The following PTPRT variants were observed in gnomAD, a reference collection of about 807,000 sequenced individuals.
The protein encoded by PTPRT is protein tyrosine phosphatase receptor type T.
In PTPRT, 56 loss-of-function variants were observed where a neutral mutation model predicts 176.8. The ratio of observed to expected loss-of-function variants is 0.32; its 90% confidence interval spans 0.26 to 0.40. The LOEUF is 0.40. Among genes scored for constraint, PTPRT ranks in the 10% least tolerant of loss-of-function variants. The pLI is 1.00. For missense variants in PTPRT, 1,540 were observed against 1,908.2 expected, an observed-to-expected ratio of 0.81 and a Z score of 3.60; for synonymous variants, 783 against 739.0, an observed-to-expected ratio of 1.06 and a Z score of -0.96.
chr20:42,363,451 C>T (rs1280088996), intron 9 of PTPRT, among the ~76,000 whole-genome samples: 1 of 150,374 alleles, frequency 6.7e-6, no homozygotes, highest in East Asian at 2.0e-4. Flanking sequence ...AGTGGGATTA[C>T]AGGCATGCAC....
chr20:42,556,702 T>A (rs1272115287), intron 7 of PTPRT, among the ~76,000 whole-genome samples: 1 of 152,162 alleles, frequency 6.6e-6, no homozygotes, highest in Non-Finnish European at 1.5e-5. Flanking sequence ...ATGAGCCCTG[T>A]CCTCTTTGTG....
At chr20:42,858,781 C>A (rs2078609795) in intron 2 of PTPRT, among the ~76,000 whole-genome samples, 1 of 152,142 alleles carries the variant, frequency 6.6e-6, no homozygotes, top group South Asian at 2.1e-4. Flanking sequence ...GTTGGGGGAT[C>A]CTCAGTAGGC....
intron 21 of PTPRT, among the ~76,000 whole-genome samples, chr20:42,115,880 T>C (rs769825651): frequency 2.6e-5 from 4 of 152,110 alleles, no homozygotes; most frequent in Non-Finnish European, 5.9e-5. Flanking sequence ...GGCTCTTGGT[T>C]GGGAAAAGGA....
intron 2 of PTPRT, among the ~76,000 whole-genome samples, chr20:42,859,321 T>C (rs1357493963): frequency 6.6e-6 from 1 of 152,134 alleles, no homozygotes; most frequent in African/African-American, 2.4e-5. Context: ...ACCCAGAATT[T>C]CATGAAGTCA....
At chr20:42,721,617 G>T (rs2076304632) in intron 6 of PTPRT, among the ~76,000 whole-genome samples, 1 of 152,180 alleles carries the variant, frequency 6.6e-6, no homozygotes, top group Admixed American at 6.5e-5. Context: ...GTGCAGTTTG[G>T]GGTGTGAATG....
chr20:42,700,366 C>T (rs2075956834), intron 6 of PTPRT, among the ~76,000 whole-genome samples: 1 of 152,170 alleles, frequency 6.6e-6, no homozygotes, highest in African/African-American at 2.4e-5. Flanking sequence ...TGGCAGGCCC[C>T]CCTCACACAA....
At chr20:42,826,356 G>C (rs774151765) in intron 2 of PTPRT, among the ~76,000 whole-genome samples, 14 of 152,182 alleles carry the variant, frequency 9.2e-5, no homozygotes, top group Admixed American at 1.3e-4. Flanking sequence ...CCAGTTTACT[G>C]TCTTATTTCC....
chr20:42,032,953 G>C, the PTPRT span, among the ~76,000 whole-genome samples: 2 of 152,166 alleles, frequency 1.3e-5, no homozygotes, highest in African/African-American at 4.8e-5. Context: ...TGAGACTTGA[G>C]AAGAGGGTAG....
At chr20:42,431,398 G>C (rs906453954) in intron 9 of PTPRT, among the ~76,000 whole-genome samples, 2 of 151,788 alleles carry the variant, frequency 1.3e-5, no homozygotes, top group Non-Finnish European at 2.9e-5. Context: ...AGAAAATTAC[G>C]GTATATACAC....
At chr20:42,245,091 T>A (rs1027854148) in intron 14 of PTPRT, among the ~76,000 whole-genome samples, 1 of 152,182 alleles carries the variant, frequency 6.6e-6, no homozygotes, top group African/African-American at 2.4e-5. Flanking sequence ...TTTTACTACA[T>A]AATGACATGG....
intron 7 of PTPRT, among the ~76,000 whole-genome samples, chr20:42,634,038 ATATTATATATATATTATAAATATATAAT>A (rs2074521405): frequency 3.4e-5 from 1 of 29,494 alleles, no homozygotes. Context: ...TATATTATAT[ATATTATATATATATTATAAATATATAAT>A]ATATATATAA....
intron 8 of PTPRT, among the ~76,000 whole-genome samples, chr20:42,459,842 C>G (rs2070988100): frequency 6.6e-6 from 1 of 152,106 alleles, no homozygotes; most frequent in African/African-American, 2.4e-5. Flanking sequence ...AGGTACACAC[C>G]ACCACACCCA....
the PTPRT span, among the ~76,000 whole-genome samples, chr20:42,061,804 C>T: frequency 6.6e-6 from 1 of 152,338 alleles, no homozygotes; most frequent in South Asian, 2.1e-4. Flanking sequence ...TTCAGCCTCC[C>T]AGGGCTATGC....
intron 11 of PTPRT, among the ~76,000 whole-genome samples, chr20:42,338,198 G>A (rs545225875): frequency 6.6e-6 from 1 of 152,324 alleles, no homozygotes; most frequent in African/African-American, 2.4e-5. Context: ...AATCATGGGA[G>A]CATTAACATG....
intron 9 of PTPRT, among the ~76,000 whole-genome samples, chr20:42,442,629 T>C (rs986029321): frequency 6.6e-6 from 1 of 152,240 alleles, no homozygotes; most frequent in Non-Finnish European, 1.5e-5. Flanking sequence ...AGGCTTCATA[T>C]GTCTGAATTT....
At chr20:42,066,374 A>G in the PTPRT span, among the ~76,000 whole-genome samples, 2 of 152,184 alleles carry the variant, frequency 1.3e-5, no homozygotes, top group Non-Finnish European at 2.9e-5. Flanking sequence ...TATGGGGGTC[A>G]TTAATGATTT....
chr20:43,076,197 GTCTTT>G (rs1301662470), intron 1 of PTPRT, among the ~76,000 whole-genome samples: 1 of 152,106 alleles, frequency 6.6e-6, no homozygotes, highest in East Asian at 1.9e-4. Context: ...TTCTGTGCGT[GTCTTT>G]TCTTCTCATT....
intron 14 of PTPRT, among the ~76,000 whole-genome samples, chr20:42,244,765 T>C (rs1451018393): frequency 6.6e-6 from 1 of 152,210 alleles, no homozygotes; most frequent in African/African-American, 2.4e-5. Flanking sequence ...AACATTGAAT[T>C]GTAGACCTTC....
intron 22 of PTPRT, 40 bp from the exon 23 acceptor site, chr20:42,110,527 C>T (rs2146293071): frequency 6.5e-7 from 1 of 1,548,108 alleles, no homozygotes; most frequent in African/African-American, 1.4e-5. Flanking sequence ...AGCTGCTGCC[C>T]TCGCATACCC....
Sources: gnomAD v4.1 joint callset for allele counts (sites outside exome capture counted in the v4.1 genomes callset) on GRCh38, gnomAD v4.1.1 for gene constraint, MANE v1.5 for transcripts, NCBI Gene and HGNC (gene_info 2026-07-23, HGNC 2026-07-21) for gene names.